The following GCNT2 variants were observed in gnomAD, a reference collection of about 807,000 sequenced individuals.
GCNT2 encodes N-acetyllactosaminide beta-1,6-N-acetylglucosaminyl-transferase.
In GCNT2, 34 loss-of-function variants were observed where a neutral mutation model predicts 34.2. That is an observed-to-expected ratio of 1.00 (90% confidence interval 0.76 to 1.32). The LOEUF (loss-of-function observed/expected upper bound fraction) is 1.32, where lower values mean the gene tolerates loss of function less well. Ranked by LOEUF, GCNT2 falls within the 40% of genes most tolerant of loss-of-function variation. The probability of loss-of-function intolerance (pLI) is 0.00; values close to 1 mark genes in which losing one functional copy is unlikely to be tolerated. For missense variants in GCNT2, 584 were observed against 489.4 expected (o/e 1.19, Z -1.82); for synonymous variants, 212 against 188.0 (o/e 1.13, Z -1.04).
intron 3 of GCNT2, among the ~76,000 whole-genome samples, chr6:10,551,829 C>A (rs1457221175): frequency 6.6e-6 from 1 of 152,086 alleles, no homozygotes; most frequent in Admixed American, 6.6e-5. Context: ...GCCACCTCGG[C>A]TCACTGCAAC....
intron 3 of GCNT2, among the ~76,000 whole-genome samples, chr6:10,562,864 T>C (rs1444437968): frequency 6.6e-6 from 1 of 152,000 alleles, no homozygotes; most frequent in East Asian, 1.9e-4. Flanking sequence ...GGACACCCTT[T>C]GTCCTACACT....
At chr6:10,556,484 G>A (rs1762709578) in intron 3 of GCNT2, 1 of 1,613,802 alleles carries the variant, frequency 6.2e-7, no homozygotes, top group Non-Finnish European at 8.5e-7. Context: ...TATTTTTATC[G>A]TCTTCTCTGT....
chr6:10,586,957 A>C, intron 3 of GCNT2: 1 of 1,350,024 alleles, frequency 7.4e-7, no homozygotes. Context: ...TGAGTTTGCT[A>C]ACATTCTGCT....
chr6:10,536,267 A>AG (rs771540937), intron 3 of GCNT2, among the ~76,000 whole-genome samples: 2 of 152,188 alleles, frequency 1.3e-5, no homozygotes, highest in African/African-American at 4.8e-5. Flanking sequence ...ACAGACTTGA[A>AG]GGGGAGGAAG....
chr6:10,544,874 G>A (rs1297530105), intron 3 of GCNT2, among the ~76,000 whole-genome samples: 1 of 151,890 alleles, frequency 6.6e-6, no homozygotes, highest in East Asian at 1.9e-4. Flanking sequence ...GAAACCGGGA[G>A]GCAGAGGTTG....
intron 3 of GCNT2, chr6:10,586,680 T>A: frequency 6.2e-7 from 1 of 1,614,128 alleles, no homozygotes; most frequent in South Asian, 1.1e-5. Flanking sequence ...GCGAACTAAA[T>A]ATGTCCACCA....
chr6:10,529,966 AAATT>A, intron 3 of GCNT2, 130 bp downstream of exon 3: 2 of 774,790 alleles, frequency 2.6e-6, no homozygotes, highest in Non-Finnish European at 4.3e-6. Flanking sequence ...ATTAAAAAAA[AAATT>A]TCATCTGTAA....
intron 3 of GCNT2, among the ~76,000 whole-genome samples, chr6:10,570,820 T>A (rs1003488479): frequency 1.4e-4 from 21 of 152,194 alleles, no homozygotes; most frequent in African/African-American, 5.1e-4. Flanking sequence ...GCTGAACTTG[T>A]CTCTGTCTGG....
At chr6:10,522,976 G>A (rs1439179598) in intron 1 of GCNT2, among the ~76,000 whole-genome samples, 1 of 152,194 alleles carries the variant, frequency 6.6e-6, no homozygotes, top group Non-Finnish European at 1.5e-5. Context: ...GGAGACCCTG[G>A]CTTGGAAAGC....
intron 3 of GCNT2, chr6:10,581,727 C>T: frequency 1.0e-6 from 1 of 984,322 alleles, no homozygotes; most frequent in Non-Finnish European, 1.2e-6. Flanking sequence ...AGGCTTGAGG[C>T]AAAGAGAAGG....
intron 3 of GCNT2, among the ~76,000 whole-genome samples, chr6:10,543,092 G>C (rs1455165296): frequency 6.6e-6 from 1 of 151,298 alleles, no homozygotes; most frequent in African/African-American, 2.4e-5. Context: ...ATTTTTAGTA[G>C]AGACGGGGTT....
At chr6:10,580,516 A>T (rs1764025081) in intron 3 of GCNT2, among the ~76,000 whole-genome samples, 1 of 151,754 alleles carries the variant, frequency 6.6e-6, no homozygotes, top group Non-Finnish European at 1.5e-5. Context: ...GTGGCCAAAG[A>T]GTTTGAGGTT....
At chr6:10,573,417 G>T (rs957739065) in intron 3 of GCNT2, 1 of 414,250 alleles carries the variant, frequency 2.4e-6, no homozygotes, top group African/African-American at 2.2e-5. Flanking sequence ...AGAAGGGAAA[G>T]AAATTTTGTC....
rs558943193 is a variant in GCNT2 at position 10,562,672 on chromosome 6, A to C, written c.925+32836A>C. Among the ~76,000 whole-genome samples, 227 of 151,498 alleles carry C rather than the reference A, an allele frequency of 1.5e-3. 1 individual carries two copies. The highest frequency in any genetic ancestry group is 2.8e-3 in the African/African-American group (117 of 41,360). On this transcript the variant is annotated intron_variant, in intron 3 of 4. Coordinates refer to ENST00000495262, the MANE Select transcript of GCNT2 (RefSeq NM_145649.5). ...AACTTCTCTGAAAAAAAAAAAAAAAAAAAAACAAAAAAAAACCCACAAAAA... is the reference window on the plus strand; with the variant it reads ...AACTTCTCTGAAAAAAAAAAAAAAACAAAAACAAAAAAAAACCCACAAAAA...
At chr6:10,531,451 A>G (rs560743270) in intron 3 of GCNT2, among the ~76,000 whole-genome samples, 2 of 152,214 alleles carry the variant, frequency 1.3e-5, no homozygotes, top group Non-Finnish European at 2.9e-5. Context: ...GCTTCTAAAA[A>G]TAACTAAGCC....
chr6:10,561,584 C>T (rs1762985340), intron 3 of GCNT2, among the ~76,000 whole-genome samples: 1 of 152,190 alleles, frequency 6.6e-6, no homozygotes, highest in African/African-American at 2.4e-5. Context: ...GATCTTCTTC[C>T]CAGTCCATTC....
chr6:10,604,867 G>GAAAAAAAA (rs3064184), intron 3 of GCNT2, among the ~76,000 whole-genome samples: 4 of 147,928 alleles, frequency 2.7e-5, no homozygotes, highest in Non-Finnish European at 4.5e-5. Context: ...TCAAAAAAAA[G>GAAAAAAAA]AAAAAGAAAA....
chr6:10,625,457 C>A (rs149778778), intron 4 of GCNT2, among the ~76,000 whole-genome samples: 105 of 152,110 alleles, frequency 6.9e-4, no homozygotes, highest in African/African-American at 2.3e-3. Flanking sequence ...TTGTTTCTAA[C>A]CTATTCCCAA....
intron 3 of GCNT2, among the ~76,000 whole-genome samples, chr6:10,584,486 C>G (rs971590300): frequency 2.0e-5 from 3 of 152,158 alleles, no homozygotes; most frequent in African/African-American, 7.2e-5. Flanking sequence ...TTCACTAATC[C>G]TCCTCAGCAC....
Sources: gnomAD v4.1 joint callset for allele counts (sites outside exome capture counted in the v4.1 genomes callset) on GRCh38, gnomAD v4.1.1 for gene constraint, MANE v1.5 for transcripts, NCBI Gene and HGNC (gene_info 2026-07-23, HGNC 2026-07-21) for gene names.